Variants in OR2L13 observed in about 807,000 individuals in gnomAD.
The protein encoded by OR2L13 is olfactory receptor family 2 subfamily L member 13.
In OR2L13, 14 loss-of-function variants were observed where a neutral mutation model predicts 15.3. The observed-to-expected ratio is 0.91, with a 90% confidence interval of 0.60 to 1.43. The LOEUF is 1.43. Ranked by LOEUF, OR2L13 falls within the 40% of genes most tolerant of loss-of-function variation. The probability of loss-of-function intolerance (pLI) is 0.00; values close to 1 mark genes in which losing one functional copy is unlikely to be tolerated. For synonymous variants in OR2L13, 152 were observed against 142.9 expected (o/e 1.06, Z -0.45); for missense variants, 367 against 387.9 (o/e 0.95, Z 0.45).
the OR2L13 span, chr1:247,966,297 T>A: frequency 3.4e-5 from 55 of 1,613,430 alleles, no homozygotes; most frequent in South Asian, 6.0e-4. Context: ...TGTTGGGATA[T>A]TGGATATGCT....
the OR2L13 span, among the ~76,000 whole-genome samples, chr1:248,027,536 T>G: frequency 0.042 from 6,374 of 152,184 alleles, 437 homozygotes; most frequent in African/African-American, 0.15. Context: ...CCTGCCAACA[T>G]GTGATGTCTC....
At chr1:248,070,907 C>G in the OR2L13 span, among the ~76,000 whole-genome samples, 1 of 152,074 alleles carries the variant, frequency 6.6e-6, no homozygotes, top group Non-Finnish European at 1.5e-5. Flanking sequence ...ACACATACAC[C>G]CTCCCAAGAC....
chr1:247,952,505 G>A, the OR2L13 span, among the ~76,000 whole-genome samples: 1 of 152,180 alleles, frequency 6.6e-6, no homozygotes, highest in Non-Finnish European at 1.5e-5. Context: ...CACAGTAGAC[G>A]GTGCCATCTA....
chr1:248,084,144 G>C, the OR2L13 span: 1 of 1,611,422 alleles, frequency 6.2e-7, no homozygotes, highest in Non-Finnish European at 8.5e-7. Context: ...CCCGTCAGCT[G>C]CACCCAGGAG....
the OR2L13 span, among the ~76,000 whole-genome samples, chr1:248,048,643 G>A: frequency 6.6e-6 from 1 of 152,150 alleles, no homozygotes; most frequent in Admixed American, 6.5e-5. Context: ...TGAGTTCTCA[G>A]CTTTTGCAGT....
the OR2L13 span, among the ~76,000 whole-genome samples, chr1:248,018,631 T>G: frequency 1.3e-5 from 2 of 152,246 alleles, no homozygotes; most frequent in African/African-American, 4.8e-5. Context: ...TTTAAATGTT[T>G]TTAATTAGAG....
At chr1:247,946,386 G>C in the OR2L13 span, among the ~76,000 whole-genome samples, 1 of 152,144 alleles carries the variant, frequency 6.6e-6, no homozygotes. Context: ...AAAGTGGACT[G>C]TAGTGTCTTG....
chr1:248,073,795 CAT>C, the OR2L13 span, among the ~76,000 whole-genome samples: 2 of 151,696 alleles, frequency 1.3e-5, no homozygotes, highest in African/African-American at 2.4e-5. Flanking sequence ...AGATAAATAA[CAT>C]GTTTTGACTA....
At chr1:247,960,960 C>T in the OR2L13 span, among the ~76,000 whole-genome samples, 161 of 152,184 alleles carry the variant, frequency 1.1e-3, no homozygotes, top group Non-Finnish European at 1.4e-3. Context: ...ACCCACTGTC[C>T]GACAATCCTG....
At chr1:248,058,533 T>C in the OR2L13 span, among the ~76,000 whole-genome samples, 1 of 151,692 alleles carries the variant, frequency 6.6e-6, no homozygotes, top group African/African-American at 2.4e-5. Context: ...AACCTGGTTA[T>C]ATATATATAT....
the OR2L13 span, chr1:248,060,804 C>T: frequency 1.2e-5 from 20 of 1,613,920 alleles, no homozygotes; most frequent in Non-Finnish European, 1.5e-5. Flanking sequence ...TAATTGGAAA[C>T]CTATCCATGA....
the OR2L13 span, among the ~76,000 whole-genome samples, chr1:248,017,677 C>T: frequency 4.3e-4 from 65 of 152,084 alleles, no homozygotes; most frequent in African/African-American, 1.5e-3. Flanking sequence ...CAGTGATTTT[C>T]TTCTGATGTC....
chr1:248,091,015 T>C (rs540107946), upstream of OR2L13, among the ~76,000 whole-genome samples: 17 of 152,218 alleles, frequency 1.1e-4, no homozygotes, highest in African/African-American at 3.9e-4. Flanking sequence ...GTGGTTTTGA[T>C]ATGCATTTCT....
At chr1:247,948,485 G>A in the OR2L13 span, among the ~76,000 whole-genome samples, 120,954 of 152,084 alleles carry the variant, frequency 0.8, 52,473 homozygotes, top group South Asian at 0.95. Context: ...CTCATCAAAT[G>A]TGAAACTCTG....
the OR2L13 span, chr1:248,023,080 T>A: frequency 2.0e-6 from 1 of 512,114 alleles, no homozygotes; most frequent in Non-Finnish European, 3.4e-6. Context: ...TGTTTCTTTT[T>A]ATCAAAAGAC....
chr1:247,957,223 C>T, the OR2L13 span, among the ~76,000 whole-genome samples: 12 of 152,100 alleles, frequency 7.9e-5, no homozygotes, highest in African/African-American at 2.7e-4. Flanking sequence ...GTCATTGGTT[C>T]TGTTTATATG....
chr1:248,094,846 C>A (rs968711920), upstream of OR2L13, among the ~76,000 whole-genome samples: 1 of 152,162 alleles, frequency 6.6e-6, no homozygotes, highest in African/African-American at 2.4e-5. Context: ...GTGGTTCCTG[C>A]ACTTTTTTAA....
At chr1:248,067,998 C>T in the OR2L13 span, among the ~76,000 whole-genome samples, 1 of 152,238 alleles carries the variant, frequency 6.6e-6, no homozygotes, top group Non-Finnish European at 1.5e-5. Flanking sequence ...GCGGGAAGCT[C>T]GAACTGGGTG....
chr1:247,975,254 G>A, the OR2L13 span: 8 of 429,604 alleles, frequency 1.9e-5, no homozygotes, highest in Non-Finnish European at 3.3e-5. Flanking sequence ...AGCCAGGGCT[G>A]TGATGTCCCA....
Sources: gnomAD v4.1 joint callset for allele counts (sites outside exome capture counted in the v4.1 genomes callset) on GRCh38, gnomAD v4.1.1 for gene constraint, MANE v1.5 for transcripts, NCBI Gene and HGNC (gene_info 2026-07-23, HGNC 2026-07-21) for gene names.